Variants in ENG observed in about 807,000 individuals in gnomAD.
ENG encodes the protein endoglin.
ENG carries 17 observed loss-of-function variants against 71.0 expected under a neutral mutation model. That is an observed-to-expected ratio of 0.24 (90% CI 0.16 to 0.36). The LOEUF (loss-of-function observed/expected upper bound fraction) is 0.36, where lower values mean the gene tolerates loss of function less well. Ranked by LOEUF, ENG falls within the 10% of genes least tolerant of loss-of-function variation. The pLI, the probability that ENG is intolerant of heterozygous loss-of-function variation, is 1.00. For missense variants in ENG, 749 were observed against 868.3 expected (o/e 0.86, Z 1.73); for synonymous variants, 360 against 366.9 (o/e 0.98, Z 0.21).
rs1356571461 is a variant in ENG at position 127,824,383 on chromosome 9, G to A, written c.1055C>T (p.Pro352Leu). 13 of 1,613,988 alleles carry A rather than the reference G, an allele frequency of 8.1e-6. No individual in the cohort carries two copies. Among genetic ancestry groups the A allele is most frequent in the South Asian group, 4.4e-5 (4 of 91,090 alleles). Residue 352 changes from proline (P) to leucine (L), a missense_variant, in exon 8 of 15, where the codon CCG becomes CTG. Transcript: ENST00000373203. ...CTGGATCAAGGACATGAGCAGCTCC[G>A]GGCTACAAGTGTCCTTGGGAGGAGT... ...QTTPPKDTCS[P>L]ELLMSLIQTK...
At chr9:127,844,584 C>T (rs747250501) in intron 1 of ENG, among the ~76,000 whole-genome samples, 1 of 152,122 alleles carries the variant, frequency 6.6e-6, no homozygotes, top group Non-Finnish European at 1.5e-5. Context: ...CATGCACCAC[C>T]ACATCCAGCT....
chr9:127,818,020 C>T (rs1830371652), intron 12 of ENG, 100 bp downstream of exon 12: 1 of 1,587,084 alleles, frequency 6.3e-7, no homozygotes, highest in East Asian at 2.2e-5. Flanking sequence ...CGCCCCTCAC[C>T]AGCTGGCCCC....
intron 1 of ENG, chr9:127,847,223 G>A (rs1776898150): frequency 6.6e-6 from 1 of 152,428 alleles, no homozygotes; most frequent in African/African-American, 2.4e-5. Flanking sequence ...GAAGACCAGG[G>A]CGGTTAAAGA....
In ENG at chr9:127,818,111, C is replaced by G. The variant is rs754153231; in HGVS notation, c.1686+9G>C. 1.9e-6 allele frequency: 3 copies of G among 1,614,088 alleles called. No homozygotes were observed. The South Asian group carries it at 3.3e-5, about 18-fold the overall frequency. On this transcript the variant is annotated intron_variant, in intron 12 of 14. Coordinates refer to ENST00000373203, the MANE Select transcript of ENG (RefSeq NM_001114753.3). ...ACTTGAAGCTGGGGCCGGCCCAGGC[C>G]CCACTCACCTGGTCTTGAGACCCGG...
chr9:127,824,892 A>G lies in ENG; in HGVS notation c.899T>C (p.Leu300Pro), dbSNP rs1335718486. 1.2e-6 allele frequency: 2 copies of G among 1,613,510 alleles called. No individual in the cohort carries two copies. Among genetic ancestry groups the G allele is most frequent in the Non-Finnish European group, 1.7e-6 (2 of 1,179,702 alleles). Residue 300 changes from leucine to proline, a missense_variant, in exon 7 of 15, where the codon CTG becomes CCG. Leu to Pro is a moderately conservative substitution (Grantham distance 98, BLOSUM62 -3). Coordinates refer to ENST00000373203, the MANE Select transcript of ENG (RefSeq NM_001114753.3). ...FKLPDTPQGL[L>P]GEARMLNASI... ...GGCATTGAGCATCCGGGCCTCCCCC[A>G]GGAGGCCTTGAGGTGTGTCTGGGAG...
chr9:127,823,116 A>G (rs570280665), intron 8 of ENG, among the ~76,000 whole-genome samples: 1 of 151,278 alleles, frequency 6.6e-6, no homozygotes, highest in South Asian at 2.1e-4. Context: ...CTAGGGTTAC[A>G]GGTGTGAGCC....
intron 5 of ENG, 146 bp from the exon 6 acceptor site, chr9:127,825,503 C>T: frequency 5.6e-6 from 8 of 1,423,056 alleles, no homozygotes; most frequent in South Asian, 3.6e-5. Flanking sequence ...CAGGCTTGTG[C>T]CCAAAGGGAA....
chr9:127,818,909 G>A, intron 10 of ENG, 77 bp from the exon 11 acceptor site: 1 of 1,253,174 alleles, frequency 8.0e-7, no homozygotes, highest in Non-Finnish European at 1.2e-6. Flanking sequence ...GGAGGAACAG[G>A]CATCATGGCC....
chr9:127,850,172 A>T (rs956464861), intron 1 of ENG, among the ~76,000 whole-genome samples: 5 of 152,236 alleles, frequency 3.3e-5, no homozygotes, highest in Admixed American at 2.0e-4. Context: ...TCCAGCATTC[A>T]GGTCACAAAA....
intron 2 of ENG, among the ~76,000 whole-genome samples, chr9:127,834,432 T>G (rs1830846408): frequency 6.6e-6 from 1 of 152,004 alleles, no homozygotes; most frequent in Non-Finnish European, 1.5e-5. Flanking sequence ...TTTTTTGAGA[T>G]GGAGTCTTGC....
At chr9:127,825,186 GT>G (rs1336911841) in intron 6 of ENG, 44 bp downstream of exon 6, 1 of 1,613,088 alleles carries the variant, frequency 6.2e-7, no homozygotes, top group Non-Finnish European at 8.5e-7. Context: ...TGATCCAGAG[GT>G]TGGGAGTTTG....
intron 2 of ENG, among the ~76,000 whole-genome samples, chr9:127,834,650 G>A (rs139097454): frequency 1.3e-5 from 2 of 151,868 alleles, no homozygotes; most frequent in Non-Finnish European, 2.9e-5. Context: ...TGATCCCTAC[G>A]CCTCAGCCTC....
In ENG at chr9:127,825,627, G is replaced by GT. The variant is rs1830592232; in HGVS notation, c.689+67_689+68insA. 14 of 1,228,238 alleles carry GT rather than the reference G, an allele frequency of 1.1e-5. No individual in the cohort carries two copies. In the African/African-American group the frequency reaches 1.2e-4, roughly 11 times the overall value. The allele number at this position is 1,228,238 out of a possible 1,614,324, so 76.1% of individuals were successfully genotyped here. A position where few individuals can be genotyped will look rare whatever the true frequency, so the allele number is the denominator to read the frequency against. ...GGCTTTATAAGGGACCGGAGAGGGG[G>GT]CGGGGGGGGTCAGGGGGGTGGTCTC... On this transcript the variant is annotated intron_variant, in intron 5 of 14. Coordinates refer to ENST00000373203, the MANE Select transcript of ENG (RefSeq NM_001114753.3).
chr9:127,817,424 C>T, intron 12 of ENG: 1 of 615,876 alleles, frequency 1.6e-6, no homozygotes, highest in Non-Finnish European at 2.9e-6. Context: ...CCTGTGAGTT[C>T]CTGGAGGCCT....
In ENG at chr9:127,824,397, C is replaced by T. The variant is rs367734769; in HGVS notation, c.1041G>A (p.Lys347=). Residue 347 remains lysine, a synonymous_variant, in exon 8 of 15, where the codon AAG becomes AAA. Transcript: ENST00000373203. ...TGAGCAGCTCCGGGCTACAAGTGTC[C>T]TTGGGAGGAGTGGTCTGGATCGGTG... ...SPAPIQTTPP[K]DTCSPELLMS... The T allele has an allele frequency of 1.2e-6, 2 of 1,613,850 alleles. No homozygotes were observed. Among genetic ancestry groups the T allele is most frequent in the South Asian group, 2.2e-5 (2 of 91,082 alleles).
chr9:127,819,429 C>T (rs1830419088), intron 10 of ENG, 193 bp downstream of exon 10: 6 of 708,480 alleles, frequency 8.5e-6, no homozygotes, highest in Non-Finnish European at 1.4e-5. Flanking sequence ...GCTAAGCCCT[C>T]TGACTTGAGA....
At chr9:127,849,448 C>T (rs1246669242) in intron 1 of ENG, among the ~76,000 whole-genome samples, 1 of 152,230 alleles carries the variant, frequency 6.6e-6, no homozygotes. Context: ...TGCCTCTGAC[C>T]TGCTGGGTGA....
chr9:127,834,035 A>AT (rs914263377), intron 2 of ENG, among the ~76,000 whole-genome samples: 15 of 150,324 alleles, frequency 1.0e-4, no homozygotes, highest in Middle Eastern at 3.4e-3. Context: ...TGTAAACACA[A>AT]TTTTTTTTTT....
At chr9:127,841,397 C>T (rs1831029209) in intron 2 of ENG, among the ~76,000 whole-genome samples, 1 of 152,074 alleles carries the variant, frequency 6.6e-6, no homozygotes, top group Non-Finnish European at 1.5e-5. Flanking sequence ...TTGGGGGATC[C>T]CAGTCACCCA....
Sources: allele counts gnomAD v4.1 joint callset (sites outside exome capture counted in the v4.1 genomes callset), GRCh38; gene constraint gnomAD v4.1.1; transcripts MANE v1.5; gene names NCBI Gene and HGNC (gene_info 2026-07-23, HGNC 2026-07-21).